Variants in CLMN observed in about 807,000 individuals in gnomAD.
CLMN encodes calmin (calponin-like, transmembrane).
CLMN carries 57 observed loss-of-function variants against 92.7 expected under a neutral mutation model. That is an observed-to-expected ratio of 0.61 (90% CI 0.50 to 0.77). The LOEUF is 0.77. CLMN is among the 30% of genes least tolerant of loss of function. CLMN has a pLI of 0.00. For missense variants in CLMN, 1,158 were observed against 1,237.5 expected (o/e 0.94, Z 0.96); for synonymous variants, 466 against 470.6 (o/e 0.99, Z 0.13).
chr14:95,226,170 C>T (rs1352990758), intron 2 of CLMN, among the ~76,000 whole-genome samples: 1 of 152,190 alleles, frequency 6.6e-6, no homozygotes, highest in Non-Finnish European at 1.5e-5. Flanking sequence ...CAGGTACCAA[C>T]ATCTGCAGAT....
intron 1 of CLMN, among the ~76,000 whole-genome samples, chr14:95,261,352 G>A (rs1030720259): frequency 6.6e-6 from 1 of 152,216 alleles, no homozygotes; most frequent in Non-Finnish European, 1.5e-5. Flanking sequence ...GCGCACCTCC[G>A]TGAAAGACGA....
chr14:95,279,975 T>TG (rs1491474853), intron 1 of CLMN, among the ~76,000 whole-genome samples: 1 of 150,406 alleles, frequency 6.6e-6, no homozygotes, highest in Non-Finnish European at 1.5e-5. Context: ...TGTTGTTGTT[T>TG]TTTTTTTTTG....
At chr14:95,211,796 G>T (rs907290161) in intron 6 of CLMN, among the ~76,000 whole-genome samples, 1 of 152,114 alleles carries the variant, frequency 6.6e-6, no homozygotes, top group Non-Finnish European at 1.5e-5. Context: ...ACCAGGGTGC[G>T]TTATCCAAAC....
chr14:95,185,742 G>C lies in CLMN; in HGVS notation c.*5822C>G, dbSNP rs1354997135. ...AGGAATACCGGCGGGGAATGCAGTG[G>C]AGACCCCCAGGAAGGTGTCTCCAAG... On this transcript the variant is annotated 3_prime_UTR_variant, in exon 13 of 13. Transcript: ENST00000298912. 2.0e-5 allele frequency: 3 copies of C among 152,072 alleles called. No homozygotes were observed. The highest frequency in any genetic ancestry group is 4.4e-5 in the Non-Finnish European group (3 of 68,042). 9.4% of individuals were successfully genotyped at this position (152,072 alleles called of 1,614,324 possible).
chr14:95,306,554 G>C (rs1901287833), intron 1 of CLMN, among the ~76,000 whole-genome samples: 1 of 151,994 alleles, frequency 6.6e-6, no homozygotes, highest in Non-Finnish European at 1.5e-5. Context: ...GAAGAGATAA[G>C]AGAGACACTT....
chr14:95,212,528 G>A (rs1463771737), intron 6 of CLMN, among the ~76,000 whole-genome samples: 2 of 152,114 alleles, frequency 1.3e-5, no homozygotes, highest in Non-Finnish European at 2.9e-5. Flanking sequence ...TGGAAGGTCC[G>A]ACCTAACTTT....
chr14:95,317,727 T>C (rs1008735702), intron 1 of CLMN, among the ~76,000 whole-genome samples: 1 of 152,144 alleles, frequency 6.6e-6, no homozygotes, highest in East Asian at 1.9e-4. Context: ...TGTTATTGGC[T>C]GAGAAAGAAG....
At position 95,203,811 on chromosome 14, in the gene CLMN, T is replaced by G. The variant is rs373571746; in HGVS notation, c.1538A>C (p.Glu513Ala). The change falls in exon 9 of 13, where the codon GAG becomes GCG. Residue 513 changes from glutamate to alanine, a missense_variant. By Grantham distance (107) the Glu-to-Ala change is moderately radical. Coordinates refer to ENST00000298912, the MANE Select transcript of CLMN (RefSeq NM_024734.4). ...TTCTTCATCGTGGCGGGCTGTACTC[T>G]CTAAAGCACCATTACAGGAAGAAGA... ...SQSSSCNGAL[E>A]STARHDEESH... is the part of the protein sequence containing the mutation. 82 of 1,614,090 alleles carry G rather than the reference T, an allele frequency of 5.1e-5. No individual in the cohort carries two copies. Among genetic ancestry groups the G allele is most frequent in the Non-Finnish European group, 6.8e-5 (80 of 1,180,054 alleles).
At chr14:95,289,127 T>C (rs1393128401) in intron 1 of CLMN, among the ~76,000 whole-genome samples, 1 of 152,242 alleles carries the variant, frequency 6.6e-6, no homozygotes, top group Non-Finnish European at 1.5e-5. Flanking sequence ...CATGGGTGTG[T>C]GCACACATCA....
intron 1 of CLMN, among the ~76,000 whole-genome samples, chr14:95,300,024 C>A (rs1201995742): frequency 6.6e-6 from 1 of 152,248 alleles, no homozygotes; most frequent in Non-Finnish European, 1.5e-5. Context: ...GGAAATTTCA[C>A]CCCAACATAG....
intron 1 of CLMN, among the ~76,000 whole-genome samples, chr14:95,314,033 G>A (rs1002678112): frequency 6.6e-6 from 1 of 152,208 alleles, no homozygotes; most frequent in African/African-American, 2.4e-5. Flanking sequence ...TGATTCTGTG[G>A]CGAAACTTCT....
At chr14:95,297,224 C>T (rs892447793) in intron 1 of CLMN, among the ~76,000 whole-genome samples, 8 of 152,130 alleles carry the variant, frequency 5.3e-5, no homozygotes, top group Non-Finnish European at 7.4e-5. Context: ...ACTTAGAAGG[C>T]GCTTATGCAC....
chr14:95,230,652 T>C (rs1398335286), intron 1 of CLMN, among the ~76,000 whole-genome samples: 1 of 152,178 alleles, frequency 6.6e-6, no homozygotes, highest in Non-Finnish European at 1.5e-5. Flanking sequence ...ATCTCCCAGC[T>C]TTGTGTGCCC....
Position 95,194,642 on chromosome 14 carries a change from T to A in CLMN, c.2709-46A>T, listed in dbSNP as rs1281643491. 1 of 1,584,968 alleles carries A rather than the reference T, an allele frequency of 6.3e-7. No homozygotes were observed. ...TTGAATTGGTACCACCTGGAGCTCTTCATGGCTCAGTTGTACGGTCACCCC... is the reference window on the plus strand; with the variant it reads ...TTGAATTGGTACCACCTGGAGCTCTACATGGCTCAGTTGTACGGTCACCCC... On this transcript the variant is annotated intron_variant, in intron 10 of 12. Transcript: ENST00000298912. The surrounding 1 kb of genome is among the most constrained non-coding windows in gnomAD (Gnocchi z 4.0).
At chr14:95,211,979 C>T (rs1897212049) in intron 6 of CLMN, among the ~76,000 whole-genome samples, 1 of 152,182 alleles carries the variant, frequency 6.6e-6, no homozygotes, top group Non-Finnish European at 1.5e-5. Context: ...TCCCATACAT[C>T]ACACCCCCCT....
At chr14:95,280,146 T>C (rs1900092390) in intron 1 of CLMN, among the ~76,000 whole-genome samples, 1 of 152,220 alleles carries the variant, frequency 6.6e-6, no homozygotes, top group Admixed American at 6.5e-5. Flanking sequence ...TTCCATAAAT[T>C]GAACATTGGA....
Position 95,242,461 on chromosome 14 carries a change from T to C in CLMN, c.83-12328A>G, listed in dbSNP as rs1377123526. 2.0e-5 allele frequency among the ~76,000 whole-genome samples: 3 copies of C among 152,220 alleles called. No homozygotes were observed. The East Asian group carries it at 5.8e-4, about 29-fold the overall frequency. ...TTCTAGTAGAGATGGGGTTTCACCA[T>C]GTTGGCCAGGCTGGTCTCGAGCTCC... On this transcript the variant is annotated intron_variant, in intron 1 of 12. Transcript: ENST00000298912.
chr14:95,254,085 C>T (rs182415810), intron 1 of CLMN, among the ~76,000 whole-genome samples: 5 of 152,302 alleles, frequency 3.3e-5, no homozygotes, highest in Middle Eastern at 3.4e-3. Flanking sequence ...CTAGCAGCAC[C>T]ACTGTTGTGT....
chr14:95,258,296 G>A (rs1306343868), intron 1 of CLMN, among the ~76,000 whole-genome samples: 1 of 150,850 alleles, frequency 6.6e-6, no homozygotes, highest in African/African-American at 2.4e-5. Flanking sequence ...TGGTGTGTGT[G>A]TGGTGTATGT....
Sources: allele counts gnomAD v4.1 joint callset (sites outside exome capture counted in the v4.1 genomes callset), GRCh38; gene constraint gnomAD v4.1.1; non-coding constraint Gnocchi (gnomAD v3.1); transcripts MANE v1.5; gene names NCBI Gene and HGNC (gene_info 2026-07-23, HGNC 2026-07-21).